IMMP2L: variants seen among roughly 807,000 people sequenced by gnomAD.
IMMP2L encodes inner mitochondrial membrane peptidase subunit 2, also known as mitochondrial inner membrane protease subunit 2.
IMMP2L carries 18 observed loss-of-function variants against 19.3 expected under a neutral mutation model. The observed-to-expected ratio is 0.93, with a 90% CI of 0.64 to 1.38. The LOEUF (loss-of-function observed/expected upper bound fraction) is 1.38. Ranked by LOEUF, IMMP2L falls within the 40% of genes most tolerant of loss-of-function variation. The pLI is 0.00. For synonymous variants in IMMP2L, 76 were observed against 73.0 expected (o/e 1.04, Z -0.21); for missense variants, 233 against 218.2 (o/e 1.07, Z -0.43).
chr7:111,009,631 T>C (rs1427245337), intron 3 of IMMP2L, among the ~76,000 whole-genome samples: 2 of 152,100 alleles, frequency 1.3e-5, no homozygotes, highest in African/African-American at 2.4e-5. Flanking sequence ...GTATATGTTA[T>C]ATATGGCTTT....
intron 4 of IMMP2L, chr7:110,963,221 G>A: frequency 1.5e-6 from 1 of 664,298 alleles, no homozygotes; most frequent in Admixed American, 3.3e-5. Flanking sequence ...TTTAATATCT[G>A]ATCAATAATG....
At chr7:111,143,896 T>C (rs547598966) in intron 3 of IMMP2L, among the ~76,000 whole-genome samples, 6 of 152,304 alleles carry the variant, frequency 3.9e-5, no homozygotes, top group African/African-American at 1.4e-4. Flanking sequence ...CACTAATCAA[T>C]CATCTAACCA....
chr7:110,814,022 T>C (rs1802250872), intron 5 of IMMP2L, among the ~76,000 whole-genome samples: 1 of 151,994 alleles, frequency 6.6e-6, no homozygotes. Context: ...ATGAGTATAT[T>C]AACTAAAGAC....
Position 111,361,616 on chromosome 7 carries a change from G to A in IMMP2L, c.239+125622C>T, listed in dbSNP as rs143461179. 7.3e-3 allele frequency among the ~76,000 whole-genome samples: 1,110 copies of A among 152,136 alleles called. 7 individuals carry two copies. The highest frequency in any genetic ancestry group is 0.011 in the Non-Finnish European group (735 of 67,988). ...ATTTACTTGTTCAAGGGACTATGTT[G>A]ATCCAAAGATTTCCCTTCAGGAAAA... On this transcript the variant is annotated intron_variant, in intron 3 of 5. Coordinates refer to ENST00000405709, the MANE Select transcript of IMMP2L (RefSeq NM_032549.4).
At chr7:110,802,323 ATGTGTGTATGTGTGTGTG>A (rs1360184313) in intron 5 of IMMP2L, among the ~76,000 whole-genome samples, 12 of 74,536 alleles carry the variant, frequency 1.6e-4, no homozygotes, top group East Asian at 4.9e-4. Context: ...GTATGTGTGT[ATGTGTGTATGTGTGTGTG>A]TGTGTGTGTG....
Position 110,753,913 on chromosome 7 carries a change from T to G in IMMP2L, c.409-90192A>C, listed in dbSNP as rs566280562. On this transcript the variant is annotated intron_variant, in intron 5 of 5. Transcript: ENST00000405709. ...ATGGCAATAAAAATAGAAGGACAAA[T>G]GGGGGCCCAGCTATCTTTACTTCTT... is the stretch of plus-strand genomic sequence containing the variant. 3.3e-5 allele frequency among the ~76,000 whole-genome samples: 5 copies of G among 152,062 alleles called. No individual in the cohort carries two copies. In the East Asian group the frequency reaches 9.7e-4, roughly 29 times the overall value.
At chr7:111,061,048 G>C (rs1793969673) in intron 3 of IMMP2L, among the ~76,000 whole-genome samples, 1 of 152,180 alleles carries the variant, frequency 6.6e-6, no homozygotes, top group Admixed American at 6.5e-5. Flanking sequence ...ATAGAACAGT[G>C]TTTATTTTCA....
intron 4 of IMMP2L, among the ~76,000 whole-genome samples, chr7:110,952,790 G>C (rs565881365): frequency 2.6e-5 from 4 of 152,178 alleles, no homozygotes; most frequent in African/African-American, 9.6e-5. Flanking sequence ...TACCTAGAGA[G>C]GACATGATGG....
intron 3 of IMMP2L, among the ~76,000 whole-genome samples, chr7:111,433,231 C>G (rs1453502416): frequency 6.6e-6 from 1 of 151,764 alleles, no homozygotes; most frequent in African/African-American, 2.4e-5. Context: ...AACTCACTCA[C>G]TATCACGAGA....
intron 3 of IMMP2L, among the ~76,000 whole-genome samples, chr7:111,435,739 T>C (rs566191141): frequency 1.3e-5 from 2 of 151,902 alleles, no homozygotes; most frequent in East Asian, 1.9e-4. Flanking sequence ...AAAAAAACTA[T>C]GAGCTACAAA....
At chr7:111,120,213 C>T (rs1289599629) in intron 3 of IMMP2L, among the ~76,000 whole-genome samples, 2 of 151,978 alleles carry the variant, frequency 1.3e-5, no homozygotes, top group Non-Finnish European at 2.9e-5. Flanking sequence ...TGCATTAATC[C>T]GTTCTCATGC....
At chr7:110,940,650 G>A (rs1162619873) in intron 4 of IMMP2L, among the ~76,000 whole-genome samples, 2 of 152,140 alleles carry the variant, frequency 1.3e-5, no homozygotes, top group Non-Finnish European at 2.9e-5. Context: ...TATAACGTGA[G>A]TGCGAATGAA....
intron 4 of IMMP2L, among the ~76,000 whole-genome samples, chr7:110,888,023 G>GT (rs1810408818): frequency 6.6e-6 from 1 of 152,008 alleles, no homozygotes; most frequent in South Asian, 2.1e-4. Context: ...ATCTAGGATG[G>GT]TTTTTAATTT....
At chr7:111,219,385 G>C (rs758189795) in intron 3 of IMMP2L, among the ~76,000 whole-genome samples, 22 of 151,846 alleles carry the variant, frequency 1.4e-4, no homozygotes, top group Non-Finnish European at 2.2e-4. Flanking sequence ...CAGAATCTCT[G>C]GAAATAAGGC....
At chr7:111,311,531 C>T (rs2130289713) in intron 3 of IMMP2L, among the ~76,000 whole-genome samples, 1 of 152,210 alleles carries the variant, frequency 6.6e-6, no homozygotes, top group East Asian at 1.9e-4. Context: ...ACTGAGATCA[C>T]ACTGGGGACA....
intron 2 of IMMP2L, among the ~76,000 whole-genome samples, chr7:111,497,547 C>A (rs112132797): frequency 3.3e-5 from 5 of 151,500 alleles, no homozygotes; most frequent in African/African-American, 1.2e-4. Flanking sequence ...GTGAAAAATG[C>A]GACATAGAAA....
At chr7:111,056,746 T>C (rs1477880166) in intron 3 of IMMP2L, among the ~76,000 whole-genome samples, 1 of 152,180 alleles carries the variant, frequency 6.6e-6, no homozygotes, top group East Asian at 1.9e-4. Flanking sequence ...AAAGAAAATG[T>C]TAAGAAAATC....
At chr7:111,354,571 G>A (rs1828508881) in intron 3 of IMMP2L, among the ~76,000 whole-genome samples, 1 of 151,092 alleles carries the variant, frequency 6.6e-6, no homozygotes, top group Non-Finnish European at 1.5e-5. Context: ...AAAAAATTGA[G>A]ATGTATAAGG....
intron 4 of IMMP2L, among the ~76,000 whole-genome samples, chr7:110,925,138 G>T (rs1033424429): frequency 3.9e-5 from 6 of 152,204 alleles, no homozygotes; most frequent in African/African-American, 1.4e-4. Context: ...AGGAAGATTA[G>T]CTTTTATTTT....
Sources: allele counts gnomAD v4.1 joint callset (sites outside exome capture counted in the v4.1 genomes callset), GRCh38; gene constraint gnomAD v4.1.1; transcripts MANE v1.5; gene names NCBI Gene and HGNC (gene_info 2026-07-23, HGNC 2026-07-21).